The following LGMN variants were observed in gnomAD, a reference collection of about 807,000 sequenced individuals.
LGMN encodes legumain, also known as asparaginyl endopeptidase.
Under a neutral mutation model 56.8 loss-of-function variants are expected in LGMN, and 36 were observed. The ratio of observed to expected loss-of-function variants is 0.63; its 90% CI spans 0.49 to 0.84. The LOEUF is 0.84. LGMN is among the 40% of genes least tolerant of loss of function. The pLI is 0.00. For missense variants in LGMN, 446 were observed against 556.1 expected (o/e 0.80, Z 1.99); for synonymous variants, 199 against 210.1 (o/e 0.95, Z 0.46).
intron 3 of LGMN, 67 bp downstream of exon 3, chr14:92,718,680 T>A: frequency 9.9e-7 from 1 of 1,013,680 alleles, no homozygotes; most frequent in South Asian, 1.3e-5. Flanking sequence ...TTCCTGTGAG[T>A]CTATGTGACC....
At chr14:92,705,412 G>T (rs1889378628) in intron 12 of LGMN, among the ~76,000 whole-genome samples, 1 of 152,036 alleles carries the variant, frequency 6.6e-6, no homozygotes, top group Non-Finnish European at 1.5e-5. Context: ...TGAGGCAGGA[G>T]AATTGCTTGA....
rs1318748491 is a variant in LGMN at position 92,706,612 on chromosome 14, G to C, written c.1062C>G (p.Ser354=). The change falls in exon 12 of 14, where the codon TCC becomes TCG. Residue 354 remains serine, a synonymous_variant. Transcript: ENST00000334869. ...LIEKSVRKIV[S]LLAASEAEVE... ...CCTCAGCCTCGGACGCTGCCAGCAA[G>C]GAGACGATCTTACGCACTGACTTCT... 1 of 1,602,056 alleles carries C rather than the reference G, an allele frequency of 6.2e-7. No homozygotes were observed. Among genetic ancestry groups the C allele is most frequent in the African/African-American group, 1.3e-5 (1 of 74,828 alleles).
intron 1 of LGMN, among the ~76,000 whole-genome samples, chr14:92,738,712 A>C (rs1891415592): frequency 6.6e-6 from 1 of 152,014 alleles, no homozygotes; most frequent in African/African-American, 2.4e-5. Context: ...GCCGAATAGA[A>C]AATGCTACTT....
chr14:92,719,338 ATCACCG>A (rs1890328077), intron 2 of LGMN, among the ~76,000 whole-genome samples: 12 of 67,562 alleles, frequency 1.8e-4, no homozygotes, highest in East Asian at 1.5e-3. Context: ...CGCCACCGCC[ATCACCG>A]CCACCACCAC....
chr14:92,732,890 C>T (rs1891124961), intron 1 of LGMN, 75 bp from the exon 2 acceptor site: 3 of 1,202,296 alleles, frequency 2.5e-6, no homozygotes, highest in South Asian at 1.5e-5. Flanking sequence ...GTGGCTCACA[C>T]CTGTAATTCC....
chr14:92,730,426 A>AT (rs1460458826), intron 2 of LGMN, among the ~76,000 whole-genome samples: 1 of 152,012 alleles, frequency 6.6e-6, no homozygotes, highest in Non-Finnish European at 1.5e-5. Flanking sequence ...CATTATTATC[A>AT]TTTTTTTTAA....
At chr14:92,719,113 C>T (rs1595539459) in intron 2 of LGMN, among the ~76,000 whole-genome samples, 1 of 151,194 alleles carries the variant, frequency 6.6e-6, no homozygotes, top group Non-Finnish European at 1.5e-5. Flanking sequence ...TGCACATACA[C>T]ACCCCACCAC....
intron 12 of LGMN, chr14:92,706,254 G>C: frequency 2.4e-6 from 1 of 411,680 alleles, no homozygotes; most frequent in Admixed American, 4.0e-5. Context: ...AGTGAGAGCT[G>C]TCATCTATGG....
chr14:92,725,713 T>A (rs1380273287), intron 2 of LGMN, among the ~76,000 whole-genome samples: 1 of 151,610 alleles, frequency 6.6e-6, no homozygotes. Context: ...GTAGCTGGGA[T>A]TACAGGTGCA....
In LGMN at chr14:92,719,219, A is replaced by T. The variant is rs1334176886; in HGVS notation, c.139-375T>A. Among the ~76,000 whole-genome samples the T allele has an allele frequency of 2.5e-3, 67 of 26,752 alleles. 1 individual carries two copies. The highest frequency in any genetic ancestry group is 0.011 in the African/African-American group (63 of 5,546). The allele number at this position is 26,752 out of a possible 152,430, so 17.6% of individuals were successfully genotyped here. A position where few individuals can be genotyped will look rare whatever the true frequency, so the allele number is the denominator to read the frequency against. The stretch of plus-strand genomic sequence containing the variant: ...GCCACCAACACCACCACCGCCACCA[A>T]CACCACCACCGCCACCGCCACCACC... On this transcript the variant is annotated intron_variant, in intron 2 of 13. Transcript: ENST00000334869.
At chr14:92,731,873 ACT>A (rs1387811465) in intron 2 of LGMN, among the ~76,000 whole-genome samples, 10 of 152,010 alleles carry the variant, frequency 6.6e-5, no homozygotes, top group African/African-American at 1.4e-4. Flanking sequence ...GAACTGCCAG[ACT>A]CTTTCCCAAG....
intron 10 of LGMN, among the ~76,000 whole-genome samples, chr14:92,710,285 G>A (rs577261194): frequency 1.3e-5 from 2 of 152,372 alleles, no homozygotes; most frequent in South Asian, 4.1e-4. Context: ...AATGTCACCT[G>A]CAAAGGATGC....
chr14:92,712,084 G>A, intron 8 of LGMN, 129 bp from the exon 9 acceptor site: 1 of 713,124 alleles, frequency 1.4e-6, no homozygotes, highest in Non-Finnish European at 2.5e-6. Flanking sequence ...CAGGAGGGCA[G>A]GGACACGTAA....
At chr14:92,729,051 C>A (rs780012900) in intron 2 of LGMN, among the ~76,000 whole-genome samples, 6 of 151,912 alleles carry the variant, frequency 3.9e-5, no homozygotes, top group Non-Finnish European at 7.4e-5. Context: ...CTGACTCACA[C>A]GTGCTCAGCA....
chr14:92,729,104 C>A (rs1467493702), intron 2 of LGMN, among the ~76,000 whole-genome samples: 13 of 151,412 alleles, frequency 8.6e-5, no homozygotes, highest in Admixed American at 7.9e-4. Context: ...TGCTCCTGGG[C>A]CACTTCCACC....
At chr14:92,725,238 T>A (rs1890684689) in intron 2 of LGMN, among the ~76,000 whole-genome samples, 1 of 152,118 alleles carries the variant, frequency 6.6e-6, no homozygotes. Context: ...CCTCCTAATC[T>A]CTTCCCACCA....
intron 1 of LGMN, among the ~76,000 whole-genome samples, chr14:92,746,305 C>T (rs1891817936): frequency 6.6e-6 from 1 of 152,198 alleles, no homozygotes; most frequent in Non-Finnish European, 1.5e-5. Context: ...GTACATGTGA[C>T]AACTTCCCCC....
intron 1 of LGMN, 55 bp from the exon 2 acceptor site, chr14:92,732,870 G>A: frequency 7.0e-7 from 1 of 1,435,872 alleles, no homozygotes; most frequent in Non-Finnish European, 9.5e-7. Flanking sequence ...ATAAACATTG[G>A]CTGGGCGCGG....
chr14:92,719,200 A>ACATATATAGGTAAGAAGGACCTCTG (rs1566923836), intron 2 of LGMN, among the ~76,000 whole-genome samples: 2 of 118,116 alleles, frequency 1.7e-5, no homozygotes, highest in Admixed American at 8.1e-5. Flanking sequence ...CACCGCCACC[A>ACATATATAGGTAAGAAGGACCTCTG]ACACCACCAC....
Sources: gnomAD v4.1 joint callset for allele counts (sites outside exome capture counted in the v4.1 genomes callset) on GRCh38, gnomAD v4.1.1 for gene constraint, MANE v1.5 for transcripts, NCBI Gene and HGNC (gene_info 2026-07-23, HGNC 2026-07-21) for gene names.